CCDC25: variants seen among roughly 807,000 people sequenced by gnomAD.
CCDC25 encodes the protein coiled-coil domain-containing protein 25.
In CCDC25, 16 loss-of-function variants were observed where a neutral mutation model predicts 35.3. That is an observed-to-expected ratio of 0.45 (90% confidence interval 0.31 to 0.69). The LOEUF is 0.69. Ranked by LOEUF, CCDC25 falls within the 30% of genes least tolerant of loss-of-function variation. CCDC25 has a pLI of 0.06. For synonymous variants in CCDC25, 79 were observed against 80.3 expected, an observed-to-expected ratio of 0.98 and a Z score of 0.09; for missense variants, 179 against 250.7, an observed-to-expected ratio of 0.71 and a Z score of 1.93.
At chr8:27,751,669 ACCT>A (rs1455186396) in intron 5 of CCDC25, among the ~76,000 whole-genome samples, 4 of 151,938 alleles carry the variant, frequency 2.6e-5, no homozygotes, top group African/African-American at 7.3e-5. Flanking sequence ...CCCGATCTAG[ACCT>A]GTGTTCTACA....
In CCDC25 at chr8:27,733,953, A is replaced by G. The variant is rs1043210315; in HGVS notation, c.*2263T>C. The G allele has an allele frequency of 2.0e-4, 30 of 152,216 alleles. No individual in the cohort carries two copies. The highest frequency in any genetic ancestry group is 6.8e-4 in the African/African-American group (28 of 41,458). The allele number at this position is 152,216 out of a possible 1,614,324, so 9.4% of individuals were successfully genotyped here. A position where few individuals can be genotyped will look rare whatever the true frequency, so the allele number is the denominator to read the frequency against. On this transcript the variant is annotated 3_prime_UTR_variant, in exon 9 of 9. Transcript: ENST00000356537. Reference sequence around the variant, plus strand: ...TCCTGCTGTGTGTATGGCTCACACCATCTTTCCTGAGTGGGGAAAACCGCT... The same window carrying G: ...TCCTGCTGTGTGTATGGCTCACACCGTCTTTCCTGAGTGGGGAAAACCGCT...
intron 2 of CCDC25, among the ~76,000 whole-genome samples, chr8:27,763,248 CCTTAAGGTA>C (rs1804286729): frequency 6.6e-6 from 1 of 152,052 alleles, no homozygotes; most frequent in Non-Finnish European, 1.5e-5. Flanking sequence ...CTGATTATTT[CCTTAAGGTA>C]TATTTCTAAA....
intron 8 of CCDC25, 72 bp downstream of exon 8, chr8:27,740,400 A>T (rs1416680945): frequency 7.0e-7 from 1 of 1,429,960 alleles, no homozygotes; most frequent in Admixed American, 1.9e-5. Context: ...AATAATGGCC[A>T]GTAACACAAT....
Position 27,771,469 on chromosome 8 carries a change from A to G in CCDC25, c.28+1044T>C, listed in dbSNP as rs115324113. Among the ~76,000 whole-genome samples, 1,191 of 152,256 alleles carry G rather than the reference A, an allele frequency of 7.8e-3. 13 individuals are homozygous for G. The highest frequency in any genetic ancestry group is 0.027 in the African/African-American group (1,127 of 41,532). On this transcript the variant is annotated intron_variant, in intron 1 of 8. Coordinates refer to ENST00000356537, the MANE Select transcript of CCDC25 (RefSeq NM_018246.3). ...GATTATTGACAATAACTAATAATAA[A>G]ATAGAACGATTATAACAACGTACTG...
intron 7 of CCDC25, among the ~76,000 whole-genome samples, chr8:27,741,579 G>A (rs868819353): frequency 1.3e-5 from 2 of 152,176 alleles, no homozygotes; most frequent in South Asian, 2.1e-4. Context: ...TCAGGAGGCT[G>A]AGGCAGGAGA....
intron 1 of CCDC25, among the ~76,000 whole-genome samples, chr8:27,767,046 T>C (rs1167209681): frequency 6.6e-6 from 1 of 152,216 alleles, no homozygotes; most frequent in Non-Finnish European, 1.5e-5. Context: ...TACAGATGGC[T>C]TTTGTAATTA....
At position 27,740,487 on chromosome 8, in the gene CCDC25, A is replaced by T; in HGVS notation, c.582T>A (p.Asn194Lys). 1.2e-6 allele frequency: 2 copies of T among 1,612,764 alleles called. No homozygotes were observed. The highest frequency in any genetic ancestry group is 1.7e-6 in the Non-Finnish European group (2 of 1,179,554). Residue 194 changes from asparagine (N) to lysine (K), a missense_variant, in exon 8 of 9, where the codon AAT (asparagine) becomes AAA (lysine). Coordinates refer to ENST00000356537, the MANE Select transcript of CCDC25 (RefSeq NM_018246.3). ...TTGAACATACCTGATTTGAAGACAT[A>T]TTTTCAACTTTCATTAGTGATGAAT... ...RSYSSLMKVE[N>K]MSSNQDGNDS...
chr8:27,757,313 G>A (rs555151732), intron 3 of CCDC25, among the ~76,000 whole-genome samples: 1 of 152,152 alleles, frequency 6.6e-6, no homozygotes, highest in Non-Finnish European at 1.5e-5. Context: ...AGAGAATGTC[G>A]AATAGAGAGC....
chr8:27,744,258 T>C (rs1427280774), intron 7 of CCDC25, among the ~76,000 whole-genome samples: 2 of 152,112 alleles, frequency 1.3e-5, no homozygotes, highest in Admixed American at 1.3e-4. Flanking sequence ...TACTTTAAAA[T>C]TGAAACAAAA....
intron 2 of CCDC25, chr8:27,764,501 A>G (rs1804333052): frequency 8.1e-6 from 3 of 370,420 alleles, no homozygotes; most frequent in African/African-American, 4.4e-5. Context: ...CAGGTCTCGA[A>G]CTCCTGGGCT....
chr8:27,762,540 C>T, intron 2 of CCDC25, 82 bp from the exon 3 acceptor site: 6 of 1,231,276 alleles, frequency 4.9e-6, no homozygotes, highest in Non-Finnish European at 7.0e-6. Context: ...GGAGAAATGT[C>T]AGCTCCTCCC....
chr8:27,769,230 G>C lies in CCDC25; in HGVS notation c.28+3283C>G, dbSNP rs1388558403. ...CAGTTTTAAAAGATCAGCTGCACAA[G>C]TGCACTTTTATTAGGCTTAGAGGCC... is the stretch of plus-strand genomic sequence containing the variant. On this transcript the variant is annotated intron_variant, in intron 1 of 8. Coordinates refer to ENST00000356537, the MANE Select transcript of CCDC25 (RefSeq NM_018246.3). Among the ~76,000 whole-genome samples the C allele has an allele frequency of 1.3e-5, 2 of 152,116 alleles. 1 individual carries two copies. Among genetic ancestry groups the C allele is most frequent in the South Asian group, 4.1e-4 (2 of 4,830 alleles).
chr8:27,752,995 T>G (rs1378562912), intron 4 of CCDC25: 1 of 157,048 alleles, frequency 6.4e-6, no homozygotes, highest in Non-Finnish European at 1.4e-5. Flanking sequence ...GACCTTCCTC[T>G]CAAAAGAATA....
chr8:27,751,759 C>T (rs554951827), intron 5 of CCDC25, among the ~76,000 whole-genome samples: 1 of 152,284 alleles, frequency 6.6e-6, no homozygotes, highest in South Asian at 2.1e-4. Context: ...CCGCCCCTAC[C>T]CTAATAATCA....
Position 27,734,642 on chromosome 8 carries a change from A to G in CCDC25, c.*1574T>C, listed in dbSNP as rs147645561. On this transcript the variant is annotated 3_prime_UTR_variant, in exon 9 of 9. Coordinates refer to ENST00000356537, the MANE Select transcript of CCDC25 (RefSeq NM_018246.3). ...AGCAGAGACCTGGACATTTTAAACCAGTGTAAGCTGAGTTAGGAAATGTTT... is the reference window on the plus strand; with the variant it reads ...AGCAGAGACCTGGACATTTTAAACCGGTGTAAGCTGAGTTAGGAAATGTTT... 8.5e-5 allele frequency: 13 copies of G among 152,342 alleles called. No homozygotes were observed. In the East Asian group the frequency reaches 2.5e-3, roughly 29 times the overall value. 9.4% of individuals were successfully genotyped at this position (152,342 alleles called of 1,614,324 possible). A position where few individuals can be genotyped will look rare whatever the true frequency, so the allele number is the denominator to read the frequency against.
At chr8:27,754,515 G>A (rs1350790751) in intron 4 of CCDC25, 1 of 152,298 alleles carries the variant, frequency 6.6e-6, no homozygotes, top group Admixed American at 6.5e-5. Flanking sequence ...TCTTGACACA[G>A]GGTCTTGCTC....
At chr8:27,767,481 G>T (rs946727951) in intron 1 of CCDC25, among the ~76,000 whole-genome samples, 2 of 152,186 alleles carry the variant, frequency 1.3e-5, no homozygotes, top group African/African-American at 4.8e-5. Context: ...CTTATTAAAT[G>T]AGGTGATTAA....
intron 8 of CCDC25, among the ~76,000 whole-genome samples, chr8:27,739,161 G>A (rs929084120): frequency 3.3e-5 from 5 of 152,112 alleles, no homozygotes; most frequent in African/African-American, 9.7e-5. Context: ...ATTAGCACAT[G>A]ACAGTTAAGT....
At chr8:27,771,522 T>G (rs1003343844) in intron 1 of CCDC25, among the ~76,000 whole-genome samples, 6 of 152,186 alleles carry the variant, frequency 3.9e-5, no homozygotes, top group African/African-American at 1.4e-4. Flanking sequence ...CTCTGCTCTC[T>G]CTCTCTCTCA....
Sources: allele counts gnomAD v4.1 joint callset (sites outside exome capture counted in the v4.1 genomes callset), GRCh38; gene constraint gnomAD v4.1.1; transcripts MANE v1.5; gene names NCBI Gene and HGNC (gene_info 2026-07-23, HGNC 2026-07-21).